GMCL1: variants seen among roughly 807,000 people sequenced by gnomAD.
The protein encoded by GMCL1 is germ cell-less 1, spermatogenesis associated, also known as germ cell-less protein-like 1.
Under a neutral mutation model 75.5 loss-of-function variants are expected in GMCL1, and 54 were observed. The ratio of observed to expected loss-of-function variants is 0.71; its 90% CI spans 0.57 to 0.90. The LOEUF (loss-of-function observed/expected upper bound fraction) is 0.90, where lower values mean the gene tolerates loss of function less well. Ranked by LOEUF, GMCL1 falls within the 40% of genes least tolerant of loss-of-function variation. The probability of loss-of-function intolerance (pLI) is 0.00; values close to 1 mark genes in which losing one functional copy is unlikely to be tolerated. For synonymous variants in GMCL1, 210 were observed against 209.6 expected (o/e 1.00, Z -0.02); for missense variants, 537 against 622.7 (o/e 0.86, Z 1.47).
In GMCL1 at chr2:69,877,706, T is replaced by TTGTG. The variant is rs10549628; in HGVS notation, c.1453-1178_1453-1175dup. ...TCGTACAGAGAGAGAGATTGTGTGT[T>TTGTG]TGTGTGTGTGTGTGTGTGTGTGTGT... On this transcript the variant is annotated intron_variant, in intron 13 of 13. Transcript: ENST00000282570. Among the ~76,000 whole-genome samples, 732 of 149,934 alleles carry TTGTG rather than the reference T, an allele frequency of 4.9e-3. 4 individuals carry two copies. The highest frequency in any genetic ancestry group is 0.015 in the African/African-American group (600 of 40,740).
At position 69,840,942 on chromosome 2, in the gene GMCL1, CA is replaced by C; in HGVS notation, c.483del (p.Leu162CysfsTer14). ...EIPDQNIDVE[A>X]LQVAFGSLYR... ...TCCTACATGTGTACCTTGCTTTCAGCACTGCAGGTTGCATTTGGTTCACTGT... is the reference window on the plus strand; with the variant it reads ...TCCTACATGTGTACCTTGCTTTCAGCCTGCAGGTTGCATTTGGTTCACTGT... On this transcript the variant is annotated frameshift_variant and splice_region_variant, in exon 4 of 14. Transcript: ENST00000282570. LOFTEE classifies it high-confidence loss of function. The C allele has an allele frequency of 4.3e-6, 7 of 1,610,334 alleles. No individual in the cohort carries two copies. The highest frequency in any genetic ancestry group is 5.9e-6 in the Non-Finnish European group (7 of 1,176,826).
At chr2:69,852,987 G>A (rs1264216142) in intron 8 of GMCL1, among the ~76,000 whole-genome samples, 1 of 152,210 alleles carries the variant, frequency 6.6e-6, no homozygotes, top group Non-Finnish European at 1.5e-5. Context: ...GATGGAATAA[G>A]TATGGCCACA....
intron 8 of GMCL1, 57 bp downstream of exon 8, chr2:69,849,799 C>T (rs1675260203): frequency 9.0e-6 from 9 of 995,716 alleles, no homozygotes; most frequent in East Asian, 5.1e-5. Context: ...TAAAATCAGG[C>T]CCCATGAGAA....
chr2:69,837,439 G>T, intron 1 of GMCL1, 108 bp from the exon 2 acceptor site: 1 of 898,406 alleles, frequency 1.1e-6, no homozygotes, highest in South Asian at 2.0e-5. Context: ...TAGGTAAGTT[G>T]ACTCTATTTA....
At chr2:69,839,837 T>C (rs1279419033) in intron 3 of GMCL1, among the ~76,000 whole-genome samples, 1 of 77,256 alleles carries the variant, frequency 1.3e-5, no homozygotes, top group Non-Finnish European at 2.3e-5. Flanking sequence ...AGTATGACCA[T>C]TTTTTTTTTT....
intron 10 of GMCL1, among the ~76,000 whole-genome samples, chr2:69,862,490 TG>T (rs1675681379): frequency 6.6e-6 from 1 of 152,154 alleles, no homozygotes; most frequent in Non-Finnish European, 1.5e-5. Context: ...CTGGGTGTGG[TG>T]GCTCACACCT....
At chr2:69,862,369 G>A (rs967284160) in intron 10 of GMCL1, among the ~76,000 whole-genome samples, 5 of 152,066 alleles carry the variant, frequency 3.3e-5, no homozygotes, top group African/African-American at 1.2e-4. Flanking sequence ...TGATGATTAT[G>A]TCATTTTTAT....
intron 11 of GMCL1, among the ~76,000 whole-genome samples, chr2:69,869,126 G>C (rs751103054): frequency 1.3e-5 from 2 of 151,878 alleles, no homozygotes; most frequent in Non-Finnish European, 2.9e-5. Flanking sequence ...GCGCATGCCT[G>C]TAATCCCAGC....
chr2:69,829,905 A>G lies in GMCL1; in HGVS notation c.13A>G (p.Ser5Gly), dbSNP rs1389117191. MGSLSSRVLRQPRPA... is the reference protein window; with the variant it reads MGSLGSRVLRQPRPA... ...GGAGCCGTGACCCATGGGATCGTTGAGCAGCCGGGTGCTGCGCCAGCCAAG... is the reference window on the plus strand; with the variant it reads ...GGAGCCGTGACCCATGGGATCGTTGGGCAGCCGGGTGCTGCGCCAGCCAAG... The change falls in exon 1 of 14, where the codon AGC becomes GGC. Residue 5 changes from serine (S) to glycine (G), a missense_variant. Around this residue, in one of 3 missense-constraint regions of GMCL1, gnomAD observed 144 missense variants for 127.2 expected, o/e 1.13. Coordinates refer to ENST00000282570, the MANE Select transcript of GMCL1 (RefSeq NM_178439.5). The G allele has an allele frequency of 1.2e-6, 2 of 1,600,816 alleles. No individual in the cohort carries two copies. The highest frequency in any genetic ancestry group is 3.4e-5 in the Admixed American group (2 of 58,936).
intron 3 of GMCL1, 68 bp from the exon 4 acceptor site, chr2:69,840,868 CGTTGTT>C (rs1186245719): frequency 1.1e-6 from 1 of 945,202 alleles, no homozygotes; most frequent in African/African-American, 1.6e-5. Context: ...TGAAGACAGT[CGTTGTT>C]GTTATTTGTA....
intron 8 of GMCL1, among the ~76,000 whole-genome samples, chr2:69,852,740 TG>T (rs1675354871): frequency 6.6e-6 from 1 of 152,190 alleles, no homozygotes; most frequent in Non-Finnish European, 1.5e-5. Context: ...GAGTTTGCCA[TG>T]TTGGCCAGGC....
At chr2:69,878,822 A>G (rs1676198983) in intron 13 of GMCL1, 87 bp from the exon 14 acceptor site, 3 of 873,218 alleles carry the variant, frequency 3.4e-6, no homozygotes, top group Non-Finnish European at 1.9e-6. Flanking sequence ...TCAGGACACT[A>G]TCTCCTTTGG....
chr2:69,874,580 T>TG (rs1326288869), intron 13 of GMCL1, among the ~76,000 whole-genome samples: 1 of 151,946 alleles, frequency 6.6e-6, no homozygotes. Flanking sequence ...CTTTGGTTAC[T>TG]GTATTGTTGG....
intron 10 of GMCL1, among the ~76,000 whole-genome samples, chr2:69,864,505 ATAT>A (rs1394410859): frequency 6.6e-6 from 1 of 151,802 alleles, no homozygotes; most frequent in East Asian, 1.9e-4. Context: ...GAAACAAGTA[ATAT>A]TAAGTGGTAG....
In GMCL1 at chr2:69,844,120, T is replaced by C. The variant is rs756610923; in HGVS notation, c.693-11T>C. On this transcript the variant is annotated splice_polypyrimidine_tract_variant and intron_variant, in intron 5 of 13. Coordinates refer to ENST00000282570, the MANE Select transcript of GMCL1 (RefSeq NM_178439.5). Reference sequence around the variant, plus strand: ...GGCATATAATGTAATAATTATATATTTTAATTTCAGGTGCCTTGAATGGCT... The same window carrying C: ...GGCATATAATGTAATAATTATATATCTTAATTTCAGGTGCCTTGAATGGCT... 9 of 1,448,572 alleles carry C rather than the reference T, an allele frequency of 6.2e-6. No homozygotes were observed. The highest frequency in any genetic ancestry group is 8.5e-6 in the Non-Finnish European group (9 of 1,060,686). 89.7% of individuals were successfully genotyped at this position (1,448,572 alleles called of 1,614,324 possible).
At chr2:69,831,685 C>A (rs1445008285) in intron 1 of GMCL1, among the ~76,000 whole-genome samples, 1 of 152,132 alleles carries the variant, frequency 6.6e-6, no homozygotes, top group Non-Finnish European at 1.5e-5. Context: ...ATGACTCACT[C>A]TACCTCGACC....
intron 7 of GMCL1, among the ~76,000 whole-genome samples, chr2:69,849,013 A>G (rs1337007190): frequency 1.3e-5 from 2 of 152,160 alleles, no homozygotes; most frequent in African/African-American, 2.4e-5. Flanking sequence ...TTGAGTTGTT[A>G]GTAGAATAAA....
chr2:69,865,220 C>T (rs992643175), intron 11 of GMCL1, among the ~76,000 whole-genome samples: 5 of 152,150 alleles, frequency 3.3e-5, no homozygotes, highest in Non-Finnish European at 5.9e-5. Context: ...AGAAGAGGGT[C>T]CCTTAGCAAT....
At chr2:69,877,548 C>T (rs1676158571) in intron 13 of GMCL1, among the ~76,000 whole-genome samples, 1 of 152,192 alleles carries the variant, frequency 6.6e-6, no homozygotes, top group Admixed American at 6.5e-5. Context: ...TTGACTAGTT[C>T]AGGATGTCTC....
Sources: allele counts gnomAD v4.1 joint callset (sites outside exome capture counted in the v4.1 genomes callset), GRCh38; gene constraint gnomAD v4.1.1; regional missense constraint gnomAD v4.1.1; transcripts MANE v1.5; gene names NCBI Gene and HGNC (gene_info 2026-07-23, HGNC 2026-07-21).